The following OXTR variants were observed in gnomAD, a reference collection of about 807,000 sequenced individuals.
OXTR encodes the protein oxytocin receptor.
A neutral mutation model predicts 23.9 loss-of-function variants in OXTR; 19 were observed. The observed-to-expected ratio is 0.80, with a 90% CI of 0.56 to 1.17. OXTR has a LOEUF of 1.17. Ranked by LOEUF, OXTR falls within the 50% of genes most tolerant of loss-of-function variation. The pLI, the probability that OXTR is intolerant of heterozygous loss-of-function variation, is 0.00. For missense variants in OXTR, 500 were observed against 550.7 expected, an observed-to-expected ratio of 0.91 and a Z score of 0.92; for synonymous variants, 278 against 250.5, an observed-to-expected ratio of 1.11 and a Z score of -1.04.
chr3:8,767,664 A>C lies in OXTR; in HGVS notation c.524T>G (p.Phe175Cys). 6.2e-7 allele frequency: 1 copy of C among 1,612,480 alleles called. No homozygotes were observed. The highest frequency in any genetic ancestry group is 2.2e-5 in the East Asian group (1 of 44,818). The change falls in exon 3 of 4, where the codon TTC (phenylalanine) becomes TGC (cysteine). Residue 175 changes from phenylalanine (F) to cysteine (C), a missense_variant. By Grantham distance (205) the Phe-to-Cys change is radical (BLOSUM62 -2). Transcript: ENST00000316793. The stretch of plus-strand genomic sequence containing the variant: ...GCCGTCAGCCACCTCGCGCAGAGAG[A>C]AGATGTGCACCTGCGGCGCGCTGGC... Reference protein sequence around the residue: ...LVASAPQVHIFSLREVADGVF... With the variant: ...LVASAPQVHICSLREVADGVF...
rs1429486370 is a variant in OXTR at position 8,751,425 on chromosome 3, G to C, written c.*1552C>G. ...ACCTATTTTTCCATTGGTTGCTTGT[G>C]TCTTTGGTATCATATCTAAGAAACC... On this transcript the variant is annotated 3_prime_UTR_variant, in exon 4 of 4. Transcript: ENST00000316793. 1 of 152,114 alleles carries C rather than the reference G, an allele frequency of 6.6e-6. No individual in the cohort carries two copies. Among genetic ancestry groups the C allele is most frequent in the Admixed American group, 6.5e-5 (1 of 15,280 alleles). The allele number at this position is 152,114 out of a possible 1,614,324, so 9.4% of individuals were successfully genotyped here.
intron 3 of OXTR, among the ~76,000 whole-genome samples, chr3:8,755,647 G>A (rs1328669858): frequency 6.6e-6 from 1 of 152,218 alleles, no homozygotes; most frequent in African/African-American, 2.4e-5. Flanking sequence ...ACAGACACGA[G>A]TGACCTCAAG....
chr3:8,743,897 T>G, the OXTR span, among the ~76,000 whole-genome samples: 2 of 152,214 alleles, frequency 1.3e-5, no homozygotes, highest in Admixed American at 6.5e-5. Context: ...TCTATTCTGT[T>G]AATTCTCTGT....
At position 8,769,265 on chromosome 3, in the gene OXTR, TCCC is replaced by T. The variant is rs1285082798; in HGVS notation, c.-276_-274del. The T allele has an allele frequency of 6.6e-6, 1 of 152,138 alleles. No homozygotes were observed. Among genetic ancestry groups the T allele is most frequent in the Non-Finnish European group, 1.5e-5 (1 of 68,118 alleles). 9.4% of individuals were successfully genotyped at this position (152,138 alleles called of 1,614,324 possible). On this transcript the variant is annotated 5_prime_UTR_variant, in exon 1 of 4. Transcript: ENST00000316793. ...GTCCGCAGGCGAACCTAAAGTTGAC[TCCC>T]CCCGGGGAAGTTGCACGGCGACTGA... is the stretch of plus-strand genomic sequence containing the variant.
intron 3 of OXTR, among the ~76,000 whole-genome samples, chr3:8,760,658 G>A (rs1708464515): frequency 6.6e-6 from 1 of 152,224 alleles, no homozygotes; most frequent in South Asian, 2.1e-4. Context: ...TGAGGTAAAA[G>A]GCATCCCCTG....
chr3:8,741,644 T>C, the OXTR span, among the ~76,000 whole-genome samples: 1 of 152,170 alleles, frequency 6.6e-6, no homozygotes, highest in Non-Finnish European at 1.5e-5. Context: ...TGGGACCATA[T>C]ACCTCCCCAC....
chr3:8,761,487 A>G (rs1326317177), intron 3 of OXTR, among the ~76,000 whole-genome samples: 2 of 96,724 alleles, frequency 2.1e-5, no homozygotes, highest in Non-Finnish European at 4.6e-5. Context: ...CATCGGGAAA[A>G]CTGCTGGCCT....
chr3:8,755,790 C>T (rs1708360019), intron 3 of OXTR, among the ~76,000 whole-genome samples: 1 of 152,208 alleles, frequency 6.6e-6, no homozygotes, highest in Admixed American at 6.5e-5. Context: ...TTTCCAGGAA[C>T]AGCACTTCAA....
At chr3:8,754,786 G>T (rs1422302401) in intron 3 of OXTR, among the ~76,000 whole-genome samples, 4 of 152,176 alleles carry the variant, frequency 2.6e-5, no homozygotes, top group Non-Finnish European at 5.9e-5. Context: ...TAGGGCTCAG[G>T]AATGTTGTAA....
At chr3:8,766,768 C>G (rs965299259) in intron 3 of OXTR, among the ~76,000 whole-genome samples, 3 of 152,200 alleles carry the variant, frequency 2.0e-5, no homozygotes, top group Non-Finnish European at 4.4e-5. Flanking sequence ...TGTCCTTGTC[C>G]AAACCAGACT....
At chr3:8,763,809 T>C (rs1005584743) in intron 3 of OXTR, among the ~76,000 whole-genome samples, 2 of 152,192 alleles carry the variant, frequency 1.3e-5, no homozygotes, top group Non-Finnish European at 2.9e-5. Flanking sequence ...CTTAAAGTTT[T>C]CCTCTTTGGT....
chr3:8,766,351 C>T (rs970855809), intron 3 of OXTR, among the ~76,000 whole-genome samples: 1 of 152,176 alleles, frequency 6.6e-6, no homozygotes, highest in Non-Finnish European at 1.5e-5. Flanking sequence ...TTCCTCCAAG[C>T]TTTCTCCCTA....
In OXTR at chr3:8,751,880, G is replaced by A. The variant is rs1452090852; in HGVS notation, c.*1097C>T. ...CATTTCTTTATGAATTTTGGGACTA[G>A]CTTATCAATTTCTGTAAAGAAGCCA... is the stretch of plus-strand genomic sequence containing the variant. On this transcript the variant is annotated 3_prime_UTR_variant, in exon 4 of 4. Transcript: ENST00000316793. The A allele has an allele frequency of 6.6e-6, 1 of 152,144 alleles. No individual in the cohort carries two copies. Among genetic ancestry groups the A allele is most frequent in the Admixed American group, 6.5e-5 (1 of 15,280 alleles). The allele number at this position is 152,144 out of a possible 1,614,324, so 9.4% of individuals were successfully genotyped here. A position where few individuals can be genotyped will look rare whatever the true frequency, so the allele number is the denominator to read the frequency against.
At chr3:8,761,943 C>T (rs994843069) in intron 3 of OXTR, among the ~76,000 whole-genome samples, 1 of 152,224 alleles carries the variant, frequency 6.6e-6, no homozygotes, top group Non-Finnish European at 1.5e-5. Flanking sequence ...ACTACTGTCT[C>T]CTGGGGCTGG....
At chr3:8,742,862 T>G in the OXTR span, among the ~76,000 whole-genome samples, 2 of 152,106 alleles carry the variant, frequency 1.3e-5, no homozygotes, top group African/African-American at 4.8e-5. Context: ...TTCATTGCTA[T>G]AAAGGAATAC....
At position 8,767,284 on chromosome 3, in the gene OXTR, C is replaced by A; in HGVS notation, c.904G>T (p.Ala302Ser). 1 of 1,556,178 alleles carries A rather than the reference C, an allele frequency of 6.4e-7. No homozygotes were observed. The highest frequency in any genetic ancestry group is 2.3e-5 in the East Asian group (1 of 43,732). The part of the protein sequence containing the change: ...FFVQMWSVWD[A>S]NAPKEASAFI... Reference sequence around the variant, plus strand: ...TGGCTACCTTCCTTGGGCGCGTTGGCATCCCAGACGCTCCACATCTGCACG... The same window carrying A: ...TGGCTACCTTCCTTGGGCGCGTTGGAATCCCAGACGCTCCACATCTGCACG... Residue 302 changes from alanine (A) to serine (S), a missense_variant, in exon 3 of 4, where the codon GCC (alanine) becomes TCC (serine). Coordinates refer to ENST00000316793, the MANE Select transcript of OXTR (RefSeq NM_000916.4).
At position 8,755,199 on chromosome 3, in the gene OXTR, C is replaced by T. The variant is rs1051816705; in HGVS notation, c.923-1975G>A. Among the ~76,000 whole-genome samples the T allele has an allele frequency of 6.6e-5, 10 of 152,172 alleles. 1 individual carries two copies. Among genetic ancestry groups the T allele is most frequent in the Admixed American group, 6.5e-5 (1 of 15,286 alleles). ...AACGTGCAAAAGTCAATATTTACAA[C>T]CTACCAGCCACAAAGGGAAGGTTCG... On this transcript the variant is annotated intron_variant, in intron 3 of 3. Coordinates refer to ENST00000316793, the MANE Select transcript of OXTR (RefSeq NM_000916.4).
chr3:8,744,275 ATT>A, the OXTR span, among the ~76,000 whole-genome samples: 27 of 120,828 alleles, frequency 2.2e-4, no homozygotes, highest in Admixed American at 3.3e-4. Flanking sequence ...GACCAGTGGA[ATT>A]TTTTTTTTTT....
At chr3:8,753,259 G>A (rs773098240) in intron 3 of OXTR, 35 bp from the exon 4 acceptor site, 1 of 1,608,440 alleles carries the variant, frequency 6.2e-7, no homozygotes, top group African/African-American at 1.3e-5. Flanking sequence ...GGAGAAAAGG[G>A]CATTAATTAA....
Sources: gnomAD v4.1 joint callset for allele counts (sites outside exome capture counted in the v4.1 genomes callset) on GRCh38, gnomAD v4.1.1 for gene constraint, MANE v1.5 for transcripts, NCBI Gene and HGNC (gene_info 2026-07-23, HGNC 2026-07-21) for gene names.